Variants in CSMD1 observed in about 807,000 individuals in gnomAD.
CSMD1 encodes CUB and Sushi multiple domains 1, also known as CUB and sushi domain-containing protein 1.
In CSMD1, 213 loss-of-function variants were observed where a neutral mutation model predicts 417.5. The ratio of observed to expected loss-of-function variants is 0.51; its 90% CI spans 0.46 to 0.57. CSMD1 has a LOEUF of 0.57. Among genes scored for constraint, CSMD1 ranks in the 20% least tolerant of loss-of-function variants. The pLI is 0.00. For synonymous variants in CSMD1, 2,862 were observed against 1,736.8 expected (o/e 1.65, Z -16.11); for missense variants, 6,923 against 4,529.7 (o/e 1.53, Z -15.17).
At position 3,781,335 on chromosome 8, in the gene CSMD1, C is replaced by G. The variant is rs10098465; in HGVS notation, c.819-27293G>C. Reference sequence around the variant, plus strand: ...ATGTCTTTGTTCTTTTCATTCTTTACTCATTGAACACGGAGTCTAGGGTCA... The same window carrying G: ...ATGTCTTTGTTCTTTTCATTCTTTAGTCATTGAACACGGAGTCTAGGGTCA... On this transcript the variant is annotated intron_variant, in intron 5 of 69. Transcript: ENST00000635120. Among the ~76,000 whole-genome samples, 861 of 152,126 alleles carry G rather than the reference C, an allele frequency of 5.7e-3. 8 individuals are homozygous for G. Among genetic ancestry groups the G allele is most frequent in the African/African-American group, 0.02 (818 of 41,486 alleles).
chr8:4,295,408 T>C (rs1386447867), intron 3 of CSMD1, among the ~76,000 whole-genome samples: 1 of 144,706 alleles, frequency 6.9e-6, no homozygotes, highest in Non-Finnish European at 1.5e-5. Context: ...GATTATATAA[T>C]CTTATTATAC....
chr8:4,338,770 C>CT (rs1800314773), intron 3 of CSMD1, among the ~76,000 whole-genome samples: 1 of 151,906 alleles, frequency 6.6e-6, no homozygotes, highest in African/African-American at 2.4e-5. Flanking sequence ...CTCCTTGAAC[C>CT]CAAATGAATC....
At chr8:4,181,810 C>G (rs1241027618) in intron 3 of CSMD1, among the ~76,000 whole-genome samples, 4 of 152,126 alleles carry the variant, frequency 2.6e-5, no homozygotes, top group South Asian at 4.1e-4. Context: ...GACTATGCAG[C>G]AAATGCAAAT....
chr8:3,298,905 G>A (rs1804171933), intron 25 of CSMD1, among the ~76,000 whole-genome samples: 1 of 152,110 alleles, frequency 6.6e-6, no homozygotes, highest in Admixed American at 6.5e-5. Context: ...GGTTACATGG[G>A]GGTGTTTCTT....
At chr8:3,619,444 C>A (rs909469678) in intron 7 of CSMD1, among the ~76,000 whole-genome samples, 5 of 151,636 alleles carry the variant, frequency 3.3e-5, no homozygotes, top group Non-Finnish European at 5.9e-5. Context: ...TTCAAAGGGT[C>A]GAAATAAATC....
intron 5 of CSMD1, among the ~76,000 whole-genome samples, chr8:3,827,787 A>G (rs1344418883): frequency 6.6e-6 from 1 of 152,188 alleles, no homozygotes; most frequent in African/African-American, 2.4e-5. Context: ...TATCCTATAA[A>G]TTATTGCCAG....
chr8:3,643,428 C>T (rs1032920496), intron 7 of CSMD1, among the ~76,000 whole-genome samples: 6 of 152,188 alleles, frequency 3.9e-5, no homozygotes, highest in African/African-American at 1.2e-4. Context: ...CTGGGCCGGA[C>T]GCCGTGGCTC....
At chr8:4,541,662 G>C (rs1012585074) in intron 2 of CSMD1, among the ~76,000 whole-genome samples, 5 of 152,074 alleles carry the variant, frequency 3.3e-5, no homozygotes, top group African/African-American at 1.2e-4. Context: ...TTGAACCAAG[G>C]AGGCTGAGGT....
intron 6 of CSMD1, among the ~76,000 whole-genome samples, chr8:3,730,286 A>G (rs1402046394): frequency 6.6e-6 from 1 of 151,870 alleles, no homozygotes; most frequent in Non-Finnish European, 1.5e-5. Flanking sequence ...TGGATGCATC[A>G]TCCCTGACTC....
intron 3 of CSMD1, among the ~76,000 whole-genome samples, chr8:4,069,517 A>T (rs940212237): frequency 2.0e-5 from 3 of 152,130 alleles, no homozygotes; most frequent in Admixed American, 1.3e-4. Context: ...TTTGCTAATG[A>T]TCGATGATTT....
intron 1 of CSMD1, among the ~76,000 whole-genome samples, chr8:4,894,595 G>C (rs564757085): frequency 6.6e-6 from 1 of 151,488 alleles, no homozygotes; most frequent in East Asian, 1.9e-4. Context: ...GCAATATTGT[G>C]AATGAAATAA....
intron 3 of CSMD1, among the ~76,000 whole-genome samples, chr8:4,222,618 C>A (rs932977027): frequency 6.6e-6 from 1 of 152,164 alleles, no homozygotes; most frequent in African/African-American, 2.4e-5. Flanking sequence ...TCCCACAAAT[C>A]AAGAACTGTC....
intron 12 of CSMD1, among the ~76,000 whole-genome samples, chr8:3,444,636 C>T (rs537882170): frequency 1.3e-5 from 2 of 152,178 alleles, no homozygotes; most frequent in South Asian, 2.1e-4. Context: ...CCGTCCCTGC[C>T]TTAACACCCA....
chr8:3,941,405 A>T (rs1262907473), intron 5 of CSMD1, among the ~76,000 whole-genome samples: 1 of 152,150 alleles, frequency 6.6e-6, no homozygotes, highest in Non-Finnish European at 1.5e-5. Flanking sequence ...AAAGTTTAAA[A>T]TTGTAAATAT....
At chr8:3,428,901 C>T (rs1423208935) in intron 12 of CSMD1, among the ~76,000 whole-genome samples, 1 of 152,300 alleles carries the variant, frequency 6.6e-6, no homozygotes, top group African/African-American at 2.4e-5. Flanking sequence ...ACGGATGAGC[C>T]TGAAGGACAC....
intron 3 of CSMD1, among the ~76,000 whole-genome samples, chr8:4,397,042 A>C (rs1804281114): frequency 8.7e-6 from 1 of 114,316 alleles, no homozygotes; most frequent in Non-Finnish European, 2.1e-5. Flanking sequence ...AAAAAAAAAT[A>C]AAGAAAAATT....
intron 5 of CSMD1, among the ~76,000 whole-genome samples, chr8:3,776,746 T>C (rs955158284): frequency 1.4e-5 from 2 of 147,446 alleles, no homozygotes; most frequent in Non-Finnish European, 3.0e-5. Context: ...CAGATAAAGA[T>C]AGGCAGAAAA....
At chr8:3,433,338 T>G (rs1226065740) in intron 12 of CSMD1, among the ~76,000 whole-genome samples, 1 of 152,300 alleles carries the variant, frequency 6.6e-6, no homozygotes, top group Admixed American at 6.5e-5. Flanking sequence ...TGCCTGACTG[T>G]TTTTCTGCAA....
chr8:4,378,614 C>G (rs913394737), intron 3 of CSMD1, among the ~76,000 whole-genome samples: 1 of 152,154 alleles, frequency 6.6e-6, no homozygotes, highest in Non-Finnish European at 1.5e-5. Flanking sequence ...GATGCTAAAA[C>G]AAGAGTTTGA....
Sources: gnomAD v4.1 joint callset for allele counts (sites outside exome capture counted in the v4.1 genomes callset) on GRCh38, gnomAD v4.1.1 for gene constraint, MANE v1.5 for transcripts, NCBI Gene and HGNC (gene_info 2026-07-23, HGNC 2026-07-21) for gene names.